The following HPF1 variants were observed in gnomAD, a reference collection of about 807,000 sequenced individuals.
HPF1 encodes the protein histone PARylation factor 1.
A neutral mutation model predicts 38.8 loss-of-function variants in HPF1; 35 were observed. The observed-to-expected ratio is 0.90, with a 90% CI of 0.69 to 1.19. The LOEUF (loss-of-function observed/expected upper bound fraction) is 1.19. HPF1 is among the 50% of genes most tolerant of loss of function. The pLI is 0.00. For synonymous variants in HPF1, 115 were observed against 139.2 expected (o/e 0.83, Z 1.22); for missense variants, 367 against 405.8 (o/e 0.90, Z 0.82).
intron 4 of HPF1, among the ~76,000 whole-genome samples, chr4:169,747,048 G>A (rs1257356510): frequency 1.4e-5 from 2 of 146,586 alleles, no homozygotes; most frequent in South Asian, 2.1e-4. Flanking sequence ...CTTGTTTTTC[G>A]AAAAAGAGAC....
chr4:169,742,764 C>T (rs1404435308), intron 4 of HPF1, among the ~76,000 whole-genome samples: 6 of 152,004 alleles, frequency 3.9e-5, no homozygotes, highest in African/African-American at 1.4e-4. Flanking sequence ...TGCACTCCAG[C>T]CTGGGCCACA....
intron 4 of HPF1, among the ~76,000 whole-genome samples, chr4:169,744,061 T>C (rs1734014056): frequency 6.6e-6 from 1 of 152,194 alleles, no homozygotes; most frequent in Admixed American, 6.5e-5. Context: ...TTACCAGCTG[T>C]ATGTCTAGAG....
chr4:169,754,930 T>C (rs1347927327), intron 1 of HPF1, among the ~76,000 whole-genome samples: 2 of 151,960 alleles, frequency 1.3e-5, no homozygotes. Context: ...TATTTTATTA[T>C]TATTATACTT....
At chr4:169,746,276 C>T (rs1390685259) in intron 4 of HPF1, among the ~76,000 whole-genome samples, 1 of 152,068 alleles carries the variant, frequency 6.6e-6, no homozygotes, top group Non-Finnish European at 1.5e-5. Context: ...TATTTCTGTA[C>T]CTGTCCAAAA....
chr4:169,735,049 C>A (rs1733874704), intron 6 of HPF1, among the ~76,000 whole-genome samples: 1 of 151,478 alleles, frequency 6.6e-6, no homozygotes, highest in African/African-American at 2.4e-5. Flanking sequence ...ATCACTTGAA[C>A]CTGGGAGGCG....
intron 5 of HPF1, among the ~76,000 whole-genome samples, chr4:169,738,898 CAA>C (rs1733931155): frequency 6.7e-6 from 1 of 149,868 alleles, no homozygotes; most frequent in Non-Finnish European, 1.5e-5. Flanking sequence ...GACAAAAAAC[CAA>C]ACACTACATG....
At chr4:169,752,065 TA>T (rs1734126140) in intron 2 of HPF1, among the ~76,000 whole-genome samples, 53 of 152,134 alleles carry the variant, frequency 3.5e-4, no homozygotes, top group Admixed American at 3.4e-3. Flanking sequence ...TATAAAGAGG[TA>T]ACCATCTATT....
At chr4:169,736,190 G>A (rs60578368) in intron 6 of HPF1, among the ~76,000 whole-genome samples, 24,544 of 151,118 alleles carry the variant, frequency 0.16, 2,133 homozygotes, top group African/African-American at 0.2. Context: ...ACCAGCATCG[G>A]CAACAGAGTG....
intron 2 of HPF1, among the ~76,000 whole-genome samples, chr4:169,753,182 C>T (rs981731991): frequency 5.3e-5 from 8 of 151,800 alleles, no homozygotes; most frequent in African/African-American, 1.9e-4. Context: ...TACAGGTGTG[C>T]ACCACCATGC....
At chr4:169,754,977 G>GT (rs1252884990) in intron 1 of HPF1, among the ~76,000 whole-genome samples, 1 of 151,676 alleles carries the variant, frequency 6.6e-6, no homozygotes, top group Non-Finnish European at 1.5e-5. Context: ...GTGCAGGTTT[G>GT]TTACATATGT....
At chr4:169,755,440 T>C (rs1233000254) in intron 1 of HPF1, among the ~76,000 whole-genome samples, 1 of 152,190 alleles carries the variant, frequency 6.6e-6, no homozygotes, top group Non-Finnish European at 1.5e-5. Context: ...GGACCAACTT[T>C]GGAACTTGGG....
chr4:169,735,250 G>T (rs1161708619), intron 6 of HPF1, among the ~76,000 whole-genome samples: 1 of 152,006 alleles, frequency 6.6e-6, no homozygotes, highest in Non-Finnish European at 1.5e-5. Flanking sequence ...TAAAGAGTTG[G>T]GTGAGAATTA....
At chr4:169,733,883 A>G in intron 6 of HPF1, among the ~76,000 whole-genome samples, 1 of 137,764 alleles carries the variant, frequency 7.3e-6, no homozygotes, top group South Asian at 2.5e-4. Context: ...TGACAGAGTA[A>G]GACCCTGTCT....
intron 2 of HPF1, among the ~76,000 whole-genome samples, chr4:169,753,028 GTTTT>G (rs71590035): frequency 2.9e-5 from 3 of 103,890 alleles, no homozygotes; most frequent in Non-Finnish European, 5.3e-5. Flanking sequence ...CCTTGGTTAG[GTTTT>G]TTTTTTTTTT....
At chr4:169,753,076 C>T (rs1257210268) in intron 2 of HPF1, among the ~76,000 whole-genome samples, 1 of 142,184 alleles carries the variant, frequency 7.0e-6, no homozygotes, top group African/African-American at 2.7e-5. Flanking sequence ...CTCTGTCACC[C>T]AGGCTGGAGT....
chr4:169,748,911 G>T, intron 3 of HPF1, 69 bp from the exon 4 acceptor site: 1 of 723,962 alleles, frequency 1.4e-6, no homozygotes, highest in Non-Finnish European at 2.3e-6. Context: ...TGGGATTTCA[G>T]GTCTACAGAC....
In HPF1 at chr4:169,755,434, C is replaced by G. The variant is rs529925945; in HGVS notation, c.49-1599G>C. Among the ~76,000 whole-genome samples, 5 of 152,214 alleles carry G rather than the reference C, an allele frequency of 3.3e-5. No homozygotes were observed. The East Asian group carries it at 9.6e-4, about 29-fold the overall frequency. ...TTCGTATACTCGGGTTCCACAGGAC[C>G]AACTTTGGAACTTGGGTATGCTCAG... On this transcript the variant is annotated intron_variant, in intron 1 of 7. Transcript: ENST00000393381.
chr4:169,752,047 T>C (rs1442892073), intron 2 of HPF1, among the ~76,000 whole-genome samples: 1 of 152,180 alleles, frequency 6.6e-6, no homozygotes, highest in African/African-American at 2.4e-5. Context: ...TAGGGCATAA[T>C]ACTGCATTAT....
intron 4 of HPF1, among the ~76,000 whole-genome samples, chr4:169,743,349 AT>A (rs1267762900): frequency 3.7e-4 from 52 of 142,406 alleles, no homozygotes; most frequent in African/African-American, 1.3e-3. Flanking sequence ...ACCTCAGGTG[AT>A]CCATCTGCCT....
Sources: allele counts gnomAD v4.1 joint callset (sites outside exome capture counted in the v4.1 genomes callset), GRCh38; gene constraint gnomAD v4.1.1; transcripts MANE v1.5; gene names NCBI Gene and HGNC (gene_info 2026-07-23, HGNC 2026-07-21).